Variants in PRKN observed in about 807,000 individuals in gnomAD.
PRKN encodes E3 ubiquitin-protein ligase parkin.
A neutral mutation model predicts 59.5 loss-of-function variants in PRKN; 56 were observed. The ratio of observed to expected loss-of-function variants is 0.94; its 90% confidence interval spans 0.76 to 1.18. PRKN has a LOEUF of 1.18. PRKN is among the 50% of genes most tolerant of loss of function. PRKN has a pLI of 0.00. For synonymous variants in PRKN, 250 were observed against 222.1 expected, an observed-to-expected ratio of 1.13 and a Z score of -1.12; for missense variants, 657 against 596.4, an observed-to-expected ratio of 1.10 and a Z score of -1.06.
chr6:161,777,379 C>T (rs9458367), intron 7 of PRKN, among the ~76,000 whole-genome samples: 60,053 of 151,736 alleles, frequency 0.4, 12,264 homozygotes, highest in South Asian at 0.52. Context: ...TAATTATTCA[C>T]CATCATAATT....
At chr6:162,468,620 T>C (rs1315067636) in intron 1 of PRKN, among the ~76,000 whole-genome samples, 1 of 152,212 alleles carries the variant, frequency 6.6e-6, no homozygotes, top group Non-Finnish European at 1.5e-5. Context: ...GGTTTGGTAC[T>C]AGAGAGTGGT....
intron 1 of PRKN, among the ~76,000 whole-genome samples, chr6:162,716,545 A>G (rs1277554292): frequency 6.6e-6 from 1 of 152,162 alleles, no homozygotes; most frequent in Admixed American, 6.5e-5. Flanking sequence ...TGTTATGTGA[A>G]GTGGTATCTC....
intron 1 of PRKN, among the ~76,000 whole-genome samples, chr6:162,493,610 G>A (rs58622994): frequency 0.012 from 1,882 of 152,334 alleles, 49 homozygotes; most frequent in African/African-American, 0.042. Flanking sequence ...CAAGAAATAT[G>A]AGCAGTGAAG....
At chr6:161,358,786 C>CTTTT (rs1784862950) in intron 11 of PRKN, among the ~76,000 whole-genome samples, 1 of 119,326 alleles carries the variant, frequency 8.4e-6, no homozygotes. Flanking sequence ...GTGCCTTCTG[C>CTTTT]TCTTTTTTTT....
intron 2 of PRKN, among the ~76,000 whole-genome samples, chr6:162,351,843 T>C (rs745769137): frequency 2.6e-5 from 4 of 152,162 alleles, no homozygotes; most frequent in Non-Finnish European, 5.9e-5. Flanking sequence ...TGTGTGTGTG[T>C]GTGTATGGGT....
intron 4 of PRKN, among the ~76,000 whole-genome samples, chr6:162,132,969 G>A (rs1364697635): frequency 3.3e-5 from 5 of 152,162 alleles, no homozygotes; most frequent in African/African-American, 1.2e-4. Flanking sequence ...AAGCTCATTT[G>A]GCCACAGCAC....
chr6:161,516,818 C>A (rs999521963), intron 9 of PRKN, among the ~76,000 whole-genome samples: 4 of 46,642 alleles, frequency 8.6e-5, no homozygotes, highest in African/African-American at 1.6e-4. Flanking sequence ...CAGAGCAAGA[C>A]TCAATCTCAA....
chr6:162,085,266 C>T (rs1779207262), intron 4 of PRKN, among the ~76,000 whole-genome samples: 1 of 151,430 alleles, frequency 6.6e-6, no homozygotes, highest in African/African-American at 2.4e-5. Flanking sequence ...TACCCCTACC[C>T]CTAAAAACAA....
At position 161,497,998 on chromosome 6, in the gene PRKN, C is replaced by T. The variant is rs1777817989; in HGVS notation, c.1083+50856G>A. ...GACGGGAGAGAGGAAACCTTTGCTT[C>T]CATGAGGGGATATTTGTTCTTCAAT... On this transcript the variant is annotated intron_variant, in intron 9 of 11. Coordinates refer to ENST00000366898, the MANE Select transcript of PRKN (RefSeq NM_004562.3). The surrounding 1 kb of genome is among the most constrained non-coding windows in gnomAD (Gnocchi z 4.6). Among the ~76,000 whole-genome samples, 1 of 152,158 alleles carries T rather than the reference C, an allele frequency of 6.6e-6. No individual in the cohort carries two copies. Among genetic ancestry groups the T allele is most frequent in the African/African-American group, 2.4e-5 (1 of 41,436 alleles).
At chr6:162,653,847 T>C (rs910483751) in intron 1 of PRKN, among the ~76,000 whole-genome samples, 3 of 152,214 alleles carry the variant, frequency 2.0e-5, no homozygotes, top group Non-Finnish European at 4.4e-5. Context: ...TTACAGTGTA[T>C]TATTCCTCAG....
intron 4 of PRKN, among the ~76,000 whole-genome samples, chr6:162,146,444 CGATA>C (rs199972227): frequency 0.022 from 3,361 of 149,886 alleles, 116 homozygotes; most frequent in African/African-American, 0.075. Flanking sequence ...ATATATATAT[CGATA>C]GATAGATAGA....
intron 2 of PRKN, among the ~76,000 whole-genome samples, chr6:162,319,388 T>C (rs951868998): frequency 2.6e-5 from 4 of 151,992 alleles, no homozygotes; most frequent in African/African-American, 9.7e-5. Flanking sequence ...AAGTGTTCTC[T>C]TCATCGTCCG....
At chr6:162,022,473 C>A (rs139760123) in intron 5 of PRKN, among the ~76,000 whole-genome samples, 65 of 152,238 alleles carry the variant, frequency 4.3e-4, no homozygotes, top group African/African-American at 1.5e-3. Context: ...GCCTATATGT[C>A]TTCTTTTGAG....
At chr6:161,615,154 C>T (rs960534190) in intron 7 of PRKN, among the ~76,000 whole-genome samples, 7 of 152,136 alleles carry the variant, frequency 4.6e-5, no homozygotes, top group African/African-American at 1.2e-4. Context: ...CCAACCTACA[C>T]ATTTTTCTTT....
chr6:162,429,277 C>T (rs1789393732), intron 2 of PRKN, among the ~76,000 whole-genome samples: 1 of 152,142 alleles, frequency 6.6e-6, no homozygotes, highest in African/African-American at 2.4e-5. Context: ...CTTTTATCTT[C>T]ATGGCACTCT....
chr6:161,645,844 A>C (rs1409561998), intron 7 of PRKN, among the ~76,000 whole-genome samples: 3 of 152,400 alleles, frequency 2.0e-5, no homozygotes, highest in East Asian at 3.9e-4. Context: ...AGTCTTGAAA[A>C]GGGAAATAAG....
chr6:162,569,420 C>T (rs1780218743), intron 1 of PRKN: 3 of 681,540 alleles, frequency 4.4e-6, no homozygotes, highest in Non-Finnish European at 5.6e-6. Flanking sequence ...GAACATGAAG[C>T]TGGCCCTGGA....
rs569377161 is a variant in PRKN, at chr6:161,377,770, C to T, written c.1167+9024G>A. On this transcript the variant is annotated intron_variant, in intron 10 of 11. Transcript: ENST00000366898. The surrounding 1 kb of genome is among the most constrained non-coding windows in gnomAD (Gnocchi z 4.2). ...ACCAGTCACCTCTCATCCTGTGAGG[C>T]CCCAGAGAGCTGTCTTGCCCCTTCT... Among the ~76,000 whole-genome samples the T allele has an allele frequency of 4.6e-5, 7 of 152,232 alleles. No homozygotes were observed. The East Asian group carries it at 1.4e-3, about 30-fold the overall frequency.
In PRKN at chr6:161,547,520, T is replaced by C. The variant is rs1300038829; in HGVS notation, c.1083+1334A>G. Among the ~76,000 whole-genome samples, 2 of 152,180 alleles carry C rather than the reference T, an allele frequency of 1.3e-5. No homozygotes were observed. The highest frequency in any genetic ancestry group is 2.9e-5 in the Non-Finnish European group (2 of 68,014). On this transcript the variant is annotated intron_variant, in intron 9 of 11. Coordinates refer to ENST00000366898, the MANE Select transcript of PRKN (RefSeq NM_004562.3). This position sits in a 1 kb window ranked among gnomAD's most constrained non-coding sequence, Gnocchi z 4.0. ...TGGGCCAGCAAAAGTCTCTACCTCC[T>C]AAGAAAAGTTAAAATCTTAAAATCC...
Sources: allele counts gnomAD v4.1 joint callset (sites outside exome capture counted in the v4.1 genomes callset), GRCh38; gene constraint gnomAD v4.1.1; non-coding constraint Gnocchi (gnomAD v3.1); transcripts MANE v1.5; gene names NCBI Gene and HGNC (gene_info 2026-07-23, HGNC 2026-07-21).